ATP10B: variants seen among roughly 807,000 people sequenced by gnomAD.
ATP10B encodes ATPase phospholipid transporting 10B (putative), also known as phospholipid-transporting ATPase VB.
In ATP10B, 122 loss-of-function variants were observed where a neutral mutation model predicts 141.2. The ratio of observed to expected loss-of-function variants is 0.86; its 90% confidence interval spans 0.75 to 1.00. The LOEUF is 1.00. Among genes scored for constraint, ATP10B ranks in the 50% least tolerant of loss-of-function variants. The pLI is 0.00. For synonymous variants in ATP10B, 685 were observed against 692.0 expected (o/e 0.99, Z 0.16); for missense variants, 1,876 against 1,825.3 (o/e 1.03, Z -0.51).
chr5:160,592,353 G>A (rs2127613853), intron 22 of ATP10B, among the ~76,000 whole-genome samples: 1 of 152,262 alleles, frequency 6.6e-6, no homozygotes, highest in Middle Eastern at 3.4e-3. Flanking sequence ...AAAGGTATAG[G>A]ATCCTTCTGC....
At chr5:160,731,509 A>C (rs1766737597) in intron 2 of ATP10B, among the ~76,000 whole-genome samples, 2 of 152,220 alleles carry the variant, frequency 1.3e-5, no homozygotes, top group Non-Finnish European at 2.9e-5. Flanking sequence ...TAGTTGTAGA[A>C]TCTGGTCAAG....
At chr5:160,638,519 C>T (rs1312450859) in intron 10 of ATP10B, among the ~76,000 whole-genome samples, 1 of 152,060 alleles carries the variant, frequency 6.6e-6, no homozygotes, top group Non-Finnish European at 1.5e-5. Context: ...CCCTGCTTCC[C>T]CTCCCCCAGG....
At chr5:160,755,838 A>ATATAT (rs1336419143) in intron 2 of ATP10B, among the ~76,000 whole-genome samples, 6 of 45,416 alleles carry the variant, frequency 1.3e-4, no homozygotes, top group Non-Finnish European at 2.4e-4. Context: ...AAAAAAAAAA[A>ATATAT]ATATATATAT....
intron 1 of ATP10B, among the ~76,000 whole-genome samples, chr5:160,840,667 C>T (rs539808990): frequency 1.3e-5 from 2 of 151,966 alleles, no homozygotes; most frequent in South Asian, 2.1e-4. Context: ...ACTAAAACGT[C>T]CAGATGTGAT....
chr5:160,581,225 C>G (rs937194081), intron 24 of ATP10B, among the ~76,000 whole-genome samples: 24 of 152,100 alleles, frequency 1.6e-4, no homozygotes, highest in Non-Finnish European at 1.9e-4. Flanking sequence ...TTCTCTAGTT[C>G]TTTTAATTGT....
At chr5:160,884,170 C>G in the ATP10B span, among the ~76,000 whole-genome samples, 34 of 152,326 alleles carry the variant, frequency 2.2e-4, no homozygotes, top group African/African-American at 8.2e-4. Flanking sequence ...CACACACACA[C>G]TCTTTTCTGG....
At chr5:160,899,416 TA>T in the ATP10B span, among the ~76,000 whole-genome samples, 280 of 152,182 alleles carry the variant, frequency 1.8e-3, no homozygotes, top group African/African-American at 6.6e-3. Flanking sequence ...TATGAGGAAC[TA>T]AAAAGGGGTA....
At chr5:160,783,699 G>A (rs1281823890) in intron 2 of ATP10B, among the ~76,000 whole-genome samples, 2 of 151,768 alleles carry the variant, frequency 1.3e-5, no homozygotes, top group Middle Eastern at 3.4e-3. Context: ...ATAAACGTGT[G>A]TGCAAGTATC....
the ATP10B span, among the ~76,000 whole-genome samples, chr5:160,897,470 T>A: frequency 6.6e-6 from 1 of 151,612 alleles, no homozygotes; most frequent in Admixed American, 6.6e-5. Flanking sequence ...ATACCTAGAG[T>A]ATAACTTACA....
the ATP10B span, among the ~76,000 whole-genome samples, chr5:160,895,221 A>G: frequency 9.0e-5 from 7 of 77,644 alleles, no homozygotes; most frequent in Non-Finnish European, 2.0e-4. Flanking sequence ...TCTTAAATAT[A>G]AACAGGCTAA....
At chr5:160,912,719 GAA>G in the ATP10B span, among the ~76,000 whole-genome samples, 1 of 151,898 alleles carries the variant, frequency 6.6e-6, no homozygotes, top group African/African-American at 2.4e-5. Flanking sequence ...AAAGAAGAAA[GAA>G]AAGAGAGAGA....
intron 3 of ATP10B, among the ~76,000 whole-genome samples, chr5:160,691,330 C>A (rs1050474646): frequency 6.6e-6 from 1 of 152,088 alleles, no homozygotes; most frequent in Non-Finnish European, 1.5e-5. Flanking sequence ...ACATTCTGCA[C>A]ATATATCCCA....
At chr5:160,597,293 G>T (rs1756773576) in intron 22 of ATP10B, among the ~76,000 whole-genome samples, 1 of 152,202 alleles carries the variant, frequency 6.6e-6, no homozygotes, top group African/African-American at 2.4e-5. Context: ...TAGCAATGGG[G>T]AAAGGATTCC....
chr5:160,802,459 T>G (rs1384987502), intron 1 of ATP10B, among the ~76,000 whole-genome samples: 1 of 152,220 alleles, frequency 6.6e-6, no homozygotes, highest in African/African-American at 2.4e-5. Context: ...TTGTCGCACC[T>G]GGGGAAGTCT....
chr5:160,746,465 C>T (rs1414719688), intron 2 of ATP10B, among the ~76,000 whole-genome samples: 2 of 151,318 alleles, frequency 1.3e-5, no homozygotes, highest in East Asian at 1.9e-4. Context: ...GATCTTGGCT[C>T]ACTGCAATCT....
At chr5:160,681,159 C>T (rs1038887287) in intron 6 of ATP10B, among the ~76,000 whole-genome samples, 1 of 152,200 alleles carries the variant, frequency 6.6e-6, no homozygotes, top group African/African-American at 2.4e-5. Context: ...GTTTCTCCTA[C>T]TTGTGGCAAA....
At chr5:160,661,089 G>A (rs1359177612) in intron 7 of ATP10B, among the ~76,000 whole-genome samples, 1 of 152,144 alleles carries the variant, frequency 6.6e-6, no homozygotes, top group African/African-American at 2.4e-5. Flanking sequence ...TGGAGGCTGA[G>A]GCAAGGGAAT....
chr5:160,726,178 T>TG (rs1166810269), intron 2 of ATP10B, among the ~76,000 whole-genome samples: 1 of 152,150 alleles, frequency 6.6e-6, no homozygotes, highest in East Asian at 1.9e-4. Flanking sequence ...AATGTCACTC[T>TG]GGGGTGCTTT....
intron 12 of ATP10B, chr5:160,633,650 T>A (rs1759100360): frequency 6.2e-6 from 1 of 160,114 alleles, no homozygotes; most frequent in Non-Finnish European, 1.4e-5. Context: ...TGTATACCTA[T>A]GTAACAAACC....
Sources: allele counts gnomAD v4.1 joint callset (sites outside exome capture counted in the v4.1 genomes callset), GRCh38; gene constraint gnomAD v4.1.1; transcripts MANE v1.5; gene names NCBI Gene and HGNC (gene_info 2026-07-23, HGNC 2026-07-21).